The following NAALADL2 variants were observed in gnomAD, a reference collection of about 807,000 sequenced individuals.
The protein encoded by NAALADL2 is inactive N-acetylated-alpha-linked acidic dipeptidase-like protein 2.
NAALADL2 carries 76 observed loss-of-function variants against 87.2 expected under a neutral mutation model. That is an observed-to-expected ratio of 0.87 (90% CI 0.72 to 1.05). NAALADL2 has a LOEUF of 1.05. Ranked by LOEUF, NAALADL2 falls within the 50% of genes least tolerant of loss-of-function variation. The probability of loss-of-function intolerance (pLI) is 0.00; values close to 1 mark genes in which losing one functional copy is unlikely to be tolerated. For missense variants in NAALADL2, 1,089 were observed against 945.8 expected (o/e 1.15, Z -1.99); for synonymous variants, 354 against 331.0 (o/e 1.07, Z -0.75).
At chr3:174,700,045 T>A (rs991082020) in intron 2 of NAALADL2, among the ~76,000 whole-genome samples, 8 of 152,074 alleles carry the variant, frequency 5.3e-5, no homozygotes, top group Non-Finnish European at 2.9e-5. Flanking sequence ...TGTGTTTGTT[T>A]ACTTACTTGT....
intron 1 of NAALADL2, among the ~76,000 whole-genome samples, chr3:174,996,996 GTGTGTGTGTGT>G (rs1747564342): frequency 9.4e-4 from 11 of 11,732 alleles, no homozygotes; most frequent in Admixed American, 1.7e-3. Context: ...TCCAAGGGGT[GTGTGTGTGTGT>G]GTGTGTGTGT....
At chr3:174,499,451 C>T (rs1560016840) in intron 1 of NAALADL2, among the ~76,000 whole-genome samples, 1 of 151,972 alleles carries the variant, frequency 6.6e-6, no homozygotes. Flanking sequence ...CCACTTTGTT[C>T]TTTTATAGAG....
chr3:174,799,353 G>A (rs1194710940), intron 3 of NAALADL2, among the ~76,000 whole-genome samples: 1 of 152,034 alleles, frequency 6.6e-6, no homozygotes, highest in East Asian at 1.9e-4. Flanking sequence ...GTTATGGGAG[G>A]GACTTGGTGG....
intron 11 of NAALADL2, among the ~76,000 whole-genome samples, chr3:175,664,153 C>T (rs1732648578): frequency 6.6e-6 from 1 of 151,980 alleles, no homozygotes; most frequent in Non-Finnish European, 1.5e-5. Context: ...CTCCTAAACG[C>T]TCATGCTCAT....
intron 9 of NAALADL2, 49 bp downstream of exon 9, chr3:175,471,807 T>G: frequency 6.8e-7 from 1 of 1,478,352 alleles, no homozygotes; most frequent in Non-Finnish European, 9.1e-7. Flanking sequence ...ACCGACCTTT[T>G]CTCTATATTT....
At chr3:175,127,462 A>G (rs1461260) in intron 2 of NAALADL2, among the ~76,000 whole-genome samples, 95,288 of 151,920 alleles carry the variant, frequency 0.63, 30,920 homozygotes, top group African/African-American at 0.81. Context: ...ATGTTTACCT[A>G]GTTCATAGGA....
chr3:174,688,437 A>G (rs2067891315), intron 2 of NAALADL2, among the ~76,000 whole-genome samples: 1 of 148,576 alleles, frequency 6.7e-6, no homozygotes, highest in Non-Finnish European at 1.5e-5. Flanking sequence ...AAGGCAGAGT[A>G]AATACGAGAA....
At chr3:174,541,691 C>G (rs1485565014) in intron 1 of NAALADL2, among the ~76,000 whole-genome samples, 14 of 152,152 alleles carry the variant, frequency 9.2e-5, no homozygotes, top group Admixed American at 8.5e-4. Context: ...TCCTACACAA[C>G]TCTTTCCAAC....
rs115352138 is a variant in NAALADL2 at position 175,648,127 on chromosome 3, T to C, written c.1896+20741T>C. ...AGGTATGTTTCTGAAAATAGTACAA[T>C]TGGACCCTTGGGGTGGGGGAGCAAA... On this transcript the variant is annotated intron_variant, in intron 11 of 13. Transcript: ENST00000454872. 6.0e-3 allele frequency among the ~76,000 whole-genome samples: 914 copies of C among 152,288 alleles called. 9 individuals carry two copies. The highest frequency in any genetic ancestry group is 0.021 in the African/African-American group (872 of 41,570).
At chr3:175,495,101 T>TTTA (rs1728636319) in intron 9 of NAALADL2, among the ~76,000 whole-genome samples, 1 of 148,728 alleles carries the variant, frequency 6.7e-6, no homozygotes, top group Non-Finnish European at 1.5e-5. Flanking sequence ...TATTTTTTTT[T>TTTA]AATTTTAGAT....
chr3:174,976,976 A>C (rs1744439586), intron 1 of NAALADL2, among the ~76,000 whole-genome samples: 1 of 152,208 alleles, frequency 6.6e-6, no homozygotes, highest in South Asian at 2.1e-4. Context: ...TGGGGCAGCT[A>C]GCCAGAAAAT....
intron 11 of NAALADL2, among the ~76,000 whole-genome samples, chr3:175,667,272 A>G (rs1161622929): frequency 6.6e-6 from 1 of 151,568 alleles, no homozygotes; most frequent in African/African-American, 2.4e-5. Flanking sequence ...AAAGGAAGGA[A>G]GGGATGGGGA....
intron 2 of NAALADL2, among the ~76,000 whole-genome samples, chr3:174,674,218 C>T (rs759997072): frequency 6.6e-6 from 1 of 151,854 alleles, no homozygotes; most frequent in Admixed American, 6.6e-5. Flanking sequence ...AAATCTCATG[C>T]GAACTCACTC....
chr3:174,651,221 G>T (rs1323503517), intron 2 of NAALADL2, among the ~76,000 whole-genome samples: 1 of 152,082 alleles, frequency 6.6e-6, no homozygotes. Context: ...TGTTATCAGT[G>T]CTCGTAATTA....
At chr3:175,018,553 A>G (rs1356961223) in intron 1 of NAALADL2, among the ~76,000 whole-genome samples, 3 of 152,090 alleles carry the variant, frequency 2.0e-5, no homozygotes, top group Non-Finnish European at 4.4e-5. Context: ...TTGATGACCA[A>G]CTGAAAATGA....
At chr3:174,982,091 T>C (rs576411273) in intron 1 of NAALADL2, among the ~76,000 whole-genome samples, 15 of 152,342 alleles carry the variant, frequency 9.8e-5, no homozygotes, top group African/African-American at 3.4e-4. Context: ...TGTGCTCCGA[T>C]AGTGACTGGC....
At chr3:175,037,326 G>A (rs1251966075) in intron 1 of NAALADL2, among the ~76,000 whole-genome samples, 1 of 152,124 alleles carries the variant, frequency 6.6e-6, no homozygotes, top group African/African-American at 2.4e-5. Context: ...GCCTACAGCT[G>A]TACCCTAGAA....
intron 9 of NAALADL2, among the ~76,000 whole-genome samples, chr3:175,566,044 G>A (rs1717095142): frequency 6.6e-6 from 1 of 151,972 alleles, no homozygotes; most frequent in Non-Finnish European, 1.5e-5. Flanking sequence ...TGGCCAGGCT[G>A]GTCTTGAACC....
At chr3:175,060,197 T>C (rs1201287030) in intron 1 of NAALADL2, among the ~76,000 whole-genome samples, 2 of 152,188 alleles carry the variant, frequency 1.3e-5, no homozygotes, top group Non-Finnish European at 2.9e-5. Context: ...ACAGCCTGTC[T>C]TTTCAAGAGA....
Sources: gnomAD v4.1 joint callset for allele counts (sites outside exome capture counted in the v4.1 genomes callset) on GRCh38, gnomAD v4.1.1 for gene constraint, MANE v1.5 for transcripts, NCBI Gene and HGNC (gene_info 2026-07-23, HGNC 2026-07-21) for gene names.